NPAS1: variants seen among roughly 807,000 people sequenced by gnomAD.
NPAS1 encodes neuronal PAS domain protein 1, also known as neuronal PAS domain-containing protein 1.
NPAS1 carries 29 observed loss-of-function variants against 49.2 expected under a neutral mutation model. The observed-to-expected ratio is 0.59, with a 90% CI of 0.44 to 0.80. The LOEUF (loss-of-function observed/expected upper bound fraction) is 0.80, where lower values mean the gene tolerates loss of function less well. Ranked by LOEUF, NPAS1 falls within the 30% of genes least tolerant of loss-of-function variation. The pLI is 0.00. For missense variants in NPAS1, 825 were observed against 835.5 expected (o/e 0.99, Z 0.15); for synonymous variants, 408 against 380.4 (o/e 1.07, Z -0.84).
Position 47,041,141 on chromosome 19 carries a change from AC to A in NPAS1, c.1217+20del. The A allele has an allele frequency of 1.3e-6, 2 of 1,551,718 alleles. No homozygotes were observed. Among genetic ancestry groups the A allele is most frequent in the Admixed American group, 1.9e-5 (1 of 51,916 alleles). On this transcript the variant is annotated intron_variant, in intron 10 of 11. Transcript: ENST00000602212. Reference sequence around the variant, plus strand: ...ACGTGCTCAGGTGAGGGCTGTGCCCACCCCTCCTGCAGGGCACTCAGGGCCC... The same window carrying A: ...ACGTGCTCAGGTGAGGGCTGTGCCCACCCTCCTGCAGGGCACTCAGGGCCC...
chr19:47,045,057 C>CA (rs2057060833), intron 11 of NPAS1, 134 bp from the exon 12 acceptor site: 6 of 864,684 alleles, frequency 6.9e-6, no homozygotes, highest in African/African-American at 3.9e-5. Flanking sequence ...AAAAACAAAA[C>CA]AAACAAACAA....
Position 47,039,043 on chromosome 19 carries a change from C to A in NPAS1, c.696C>A (p.Ser232Arg). 23 of 1,614,116 alleles carry A rather than the reference C, an allele frequency of 1.4e-5. No individual in the cohort carries two copies. Among genetic ancestry groups the A allele is most frequent in the Non-Finnish European group, 1.9e-5 (23 of 1,179,948 alleles). ...CTTCACTCTCTGTCCCAGAGGCCAGCCTCACCAAGGTGCCCCCCTCCTCCC... is the reference window on the plus strand; with the variant it reads ...CTTCACTCTCTGTCCCAGAGGCCAGACTCACCAAGGTGCCCCCCTCCTCCC... ...SLADTPEIEA[S>R]LTKVPPSSLV... is the part of the protein sequence containing the mutation. The change falls in exon 7 of 12, where the codon AGC becomes AGA. Residue 232 changes from serine (S) to arginine (R), a missense_variant. Physicochemically the swap from Ser to Arg is moderately radical, Grantham distance 110. Transcript: ENST00000602212.
chr19:47,021,039 C>G lies in NPAS1; in HGVS notation c.-9C>G, dbSNP rs1428826195. ...GGGCTCGGAGCCCGCCTGAGCGAGC[C>G]CCCCGGAGATGGCGGCCCCCTATCC... On this transcript the variant is annotated 5_prime_UTR_variant, in exon 2 of 12. Transcript: ENST00000602212. The surrounding 1 kb of genome is among the most constrained non-coding windows in gnomAD (Gnocchi z 5.7). 6.3e-7 allele frequency: 1 copy of G among 1,599,120 alleles called. No individual in the cohort carries two copies. Among genetic ancestry groups the G allele is most frequent in the African/African-American group, 1.3e-5 (1 of 74,176 alleles).
At chr19:47,023,705 C>A (rs1254874014) in intron 3 of NPAS1, among the ~76,000 whole-genome samples, 2 of 152,166 alleles carry the variant, frequency 1.3e-5, no homozygotes, top group East Asian at 1.9e-4. Flanking sequence ...GTAATCCCAG[C>A]ACTTTGGGGC....
At chr19:47,043,909 T>G (rs2057047421) in intron 11 of NPAS1, among the ~76,000 whole-genome samples, 2 of 150,972 alleles carry the variant, frequency 1.3e-5, no homozygotes, top group Non-Finnish European at 3.0e-5. Context: ...AACAAAAAAT[T>G]TTAAAACTTA....
intron 4 of NPAS1, 116 bp downstream of exon 4, chr19:47,032,467 C>G (rs192831400): frequency 8.1e-7 from 1 of 1,231,240 alleles, no homozygotes; most frequent in East Asian, 2.4e-5. Context: ...ACTGGGAAGG[C>G]GAATGCTCAA....
intron 1 of NPAS1, among the ~76,000 whole-genome samples, chr19:47,020,346 G>T (rs1301142690): frequency 1.3e-5 from 2 of 152,014 alleles, no homozygotes; most frequent in African/African-American, 4.8e-5. Context: ...TCCTGGGGGC[G>T]TCCTGGGGCA....
At chr19:47,036,732 A>T (rs866460195) in intron 6 of NPAS1, among the ~76,000 whole-genome samples, 4 of 150,388 alleles carry the variant, frequency 2.7e-5, no homozygotes, top group African/African-American at 7.4e-5. Flanking sequence ...AAAAAAAAAA[A>T]ATTAGCTGGG....
rs1474372441 is a variant in NPAS1 at position 47,019,839 on chromosome 19, C to T, written c.-201C>T. On this transcript the variant is annotated 5_prime_UTR_variant, in exon 1 of 12. Transcript: ENST00000602212. Reference sequence around the variant, plus strand: ...TCGCGCGTCTCCAAGTCTGCGAGGCCGAGGTGGGCGCCGAGAGCTGGGCGC... The same window carrying T: ...TCGCGCGTCTCCAAGTCTGCGAGGCTGAGGTGGGCGCCGAGAGCTGGGCGC... The T allele has an allele frequency of 6.8e-6, 2 of 295,438 alleles. No homozygotes were observed. The highest frequency in any genetic ancestry group is 5.8e-5 in the East Asian group (1 of 17,140). The allele number at this position is 295,438 out of a possible 1,614,324, so 18.3% of individuals were successfully genotyped here.
chr19:47,038,758 C>T (rs1288428350), intron 6 of NPAS1, among the ~76,000 whole-genome samples: 1 of 151,854 alleles, frequency 6.6e-6, no homozygotes, highest in East Asian at 1.9e-4. Flanking sequence ...ACCCAGGAGG[C>T]GGAGGTTGCA....
At chr19:47,035,901 G>T (rs2056948814) in intron 5 of NPAS1, 63 bp from the exon 6 acceptor site, 1 of 1,448,098 alleles carries the variant, frequency 6.9e-7, no homozygotes, top group Non-Finnish European at 9.1e-7. Flanking sequence ...TGAGCCCAGA[G>T]GGCGAGCGAG....
At chr19:47,034,948 G>A (rs920773803) in intron 5 of NPAS1, among the ~76,000 whole-genome samples, 1 of 151,500 alleles carries the variant, frequency 6.6e-6, no homozygotes, top group Admixed American at 6.6e-5. Context: ...TTGGGAGGCT[G>A]AGGCGGGCAG....
intron 3 of NPAS1, among the ~76,000 whole-genome samples, chr19:47,025,763 C>T (rs968092452): frequency 1.6e-4 from 24 of 150,776 alleles, no homozygotes; most frequent in Non-Finnish European, 3.0e-4. Context: ...TTTTAAGAGA[C>T]GAGGTCTCAC....
chr19:47,034,030 C>A (rs1180032155), intron 5 of NPAS1, among the ~76,000 whole-genome samples: 1 of 112,252 alleles, frequency 8.9e-6, no homozygotes, highest in Non-Finnish European at 1.8e-5. Context: ...AAGGGCCGGG[C>A]GCGGTGGCTC....
chr19:47,032,532 A>T, intron 4 of NPAS1, 111 bp from the exon 5 acceptor site: 1 of 1,164,282 alleles, frequency 8.6e-7, no homozygotes, highest in East Asian at 2.3e-5. Flanking sequence ...TCCCCACCAA[A>T]ACAGTCCACC....
At position 47,024,480 on chromosome 19, in the gene NPAS1, C is replaced by T. The variant is rs542648247; in HGVS notation, c.358+2633C>T. On this transcript the variant is annotated intron_variant, in intron 3 of 11. Transcript: ENST00000602212. Reference sequence around the variant, plus strand: ...CTGCCTCGGCAATATAGCGAGACCCCGTTCTCCAGAAAAAGGAAAAACAAC... The same window carrying T: ...CTGCCTCGGCAATATAGCGAGACCCTGTTCTCCAGAAAAAGGAAAAACAAC... Among the ~76,000 whole-genome samples the T allele has an allele frequency of 3.6e-3, 527 of 146,232 alleles. 1 individual carries two copies. Among genetic ancestry groups the T allele is most frequent in the African/African-American group, 0.013 (508 of 40,236 alleles).
intron 1 of NPAS1, among the ~76,000 whole-genome samples, chr19:47,020,264 G>A (rs1393880753): frequency 6.6e-6 from 1 of 152,022 alleles, no homozygotes; most frequent in African/African-American, 2.4e-5. Flanking sequence ...TGGTCCTGGA[G>A]GAATGAAGAC....
chr19:47,040,787 C>T, intron 9 of NPAS1, 191 bp from the exon 10 acceptor site: 1 of 618,892 alleles, frequency 1.6e-6, no homozygotes, highest in Non-Finnish European at 2.8e-6. Context: ...CCCAAGAGGC[C>T]TCGCTGCTGG....
In NPAS1 at chr19:47,021,694, G is replaced by GCCAAGCTTCTCCCGCTGC; in HGVS notation, c.208_225dup (p.Lys70_Pro75dup). 6.4e-7 allele frequency: 1 copy of GCCAAGCTTCTCCCGCTGC among 1,561,442 alleles called. No individual in the cohort carries two copies. The highest frequency in any genetic ancestry group is 8.7e-7 in the Non-Finnish European group (1 of 1,154,796). On this transcript the variant is annotated inframe_insertion, in exon 3 of 12. Transcript: ENST00000602212. This position sits in a 1 kb window ranked among gnomAD's most constrained non-coding sequence, Gnocchi z 5.7. Reference sequence around the variant, plus strand: ...GGAGAACCTGGAGTTCTTCGAGCTGGCCAAGCTTCTCCCGCTGCCCGGCGC... The same window carrying GCCAAGCTTCTCCCGCTGC: ...GGAGAACCTGGAGTTCTTCGAGCTGGCCAAGCTTCTCCCGCTGCCCAAGCTTCTCCCGCTGCCCGGCGC...
Sources: allele counts gnomAD v4.1 joint callset (sites outside exome capture counted in the v4.1 genomes callset), GRCh38; gene constraint gnomAD v4.1.1; non-coding constraint Gnocchi (gnomAD v3.1); transcripts MANE v1.5; gene names NCBI Gene and HGNC (gene_info 2026-07-23, HGNC 2026-07-21).